The following RNF113B variants were observed in gnomAD, a reference collection of about 807,000 sequenced individuals.
RNF113B encodes zinc finger protein 183-like 1.
RNF113B carries 12 observed loss-of-function variants against 22.2 expected under a neutral mutation model. That is an observed-to-expected ratio of 0.54 (90% confidence interval 0.35 to 0.87). The LOEUF (loss-of-function observed/expected upper bound fraction) is 0.87, where lower values mean the gene tolerates loss of function less well. Among genes scored for constraint, RNF113B ranks in the 40% least tolerant of loss-of-function variants. The probability of loss-of-function intolerance (pLI) is 0.01; values close to 1 mark genes in which losing one functional copy is unlikely to be tolerated. For missense variants in RNF113B, 442 were observed against 455.4 expected (o/e 0.97, Z 0.27); for synonymous variants, 194 against 184.6 (o/e 1.05, Z -0.41).
Position 98,177,077 on chromosome 13 carries a change from C to A in RNF113B, c.160G>T (p.Asp54Tyr). The change falls in exon 1 of 2, where the codon GAC (aspartate) becomes TAC (tyrosine). Residue 54 changes from aspartate to tyrosine, a missense_variant. Physicochemically the swap from Asp to Tyr is radical, Grantham distance 160. Coordinates refer to ENST00000267291, the MANE Select transcript of RNF113B (RefSeq NM_178861.5). ...ACCCGCGGGGGCTGAGCCACTGTGT[C>A]GCCCTCGTCCCCGCTGCTGCTGCTC... is the stretch of plus-strand genomic sequence containing the variant. ...GESSSSGDEG[D>Y]TVAQPPRVAP... 1 of 1,597,306 alleles carries A rather than the reference C, an allele frequency of 6.3e-7. No individual in the cohort carries two copies. The highest frequency in any genetic ancestry group is 8.5e-7 in the Non-Finnish European group (1 of 1,178,876).
chr13:98,176,955 G>C lies in RNF113B; in HGVS notation c.282C>G (p.Tyr94Ter). The C allele has an allele frequency of 1.9e-6, 3 of 1,601,750 alleles. No individual in the cohort carries two copies. Among genetic ancestry groups the C allele is most frequent in the Non-Finnish European group, 2.5e-6 (3 of 1,179,866 alleles). ...EAAPESLDVV[Y>*]RSTRSAKPVG... ...CAGGCTTCGCCGAGCGGGTGGACCTGTACACCACGTCGAGGCTCTCAGGCG... is the reference window on the plus strand; with the variant it reads ...CAGGCTTCGCCGAGCGGGTGGACCTCTACACCACGTCGAGGCTCTCAGGCG... Residue 94 changes from tyrosine to a stop codon, truncating the protein, a stop_gained, in exon 1 of 2, where the codon TAC becomes TAG. Coordinates refer to ENST00000267291, the MANE Select transcript of RNF113B (RefSeq NM_178861.5). LOFTEE classifies it high-confidence loss of function. The surrounding 1 kb of genome is among the most constrained non-coding windows in gnomAD (Gnocchi z 6.2).
At position 98,176,019 on chromosome 13, in the gene RNF113B, T is replaced by C; in HGVS notation, c.*144A>G. 4.0e-6 allele frequency: 3 copies of C among 747,288 alleles called. No homozygotes were observed. Among genetic ancestry groups the C allele is most frequent in the Admixed American group, 2.6e-5 (1 of 38,506 alleles). The allele number at this position is 747,288 out of a possible 1,614,324, so 46.3% of individuals were successfully genotyped here. On this transcript the variant is annotated 3_prime_UTR_variant, in exon 2 of 2. Transcript: ENST00000267291. This position sits in a 1 kb window ranked among gnomAD's most constrained non-coding sequence, Gnocchi z 6.2. The stretch of plus-strand genomic sequence containing the variant: ...TTTGCAAATAATTCTGCAGTGAACA[T>C]GGGAGTGCACATACCTCTTTGAGAT...
Position 98,176,946 on chromosome 13 carries a change from G to T in RNF113B, c.291C>A (p.Thr97=). The change falls in exon 1 of 2, where the codon ACC becomes ACA. Residue 97 remains threonine (T), a synonymous_variant. Coordinates refer to ENST00000267291, the MANE Select transcript of RNF113B (RefSeq NM_178861.5). This position sits in a 1 kb window ranked among gnomAD's most constrained non-coding sequence, Gnocchi z 6.2. ...CTGGCCCCACAGGCTTCGCCGAGCG[G>T]GTGGACCTGTACACCACGTCGAGGC... ...PESLDVVYRS[T]RSAKPVGPED... 1 of 1,602,448 alleles carries T rather than the reference G, an allele frequency of 6.2e-7. No homozygotes were observed.
At position 98,176,284 on chromosome 13, in the gene RNF113B, T is replaced by C; in HGVS notation, c.953A>G (p.Glu318Gly). 1 of 1,612,356 alleles carries C rather than the reference T, an allele frequency of 6.2e-7. No homozygotes were observed. The highest frequency in any genetic ancestry group is 8.5e-7 in the Non-Finnish European group (1 of 1,178,770). The stretch of plus-strand genomic sequence containing the variant: ...TGTGAAATGGGACTTGCCCCCACCT[T>C]CTGCAGCCTGAAGCTTTTGCAGTTT... ...MAKLQKLQAA[E>G]GKKR The change falls in exon 1 of 2, where the codon GAA becomes GGA. Residue 318 changes from glutamate (E) to glycine (G), a missense_variant and splice_region_variant. By Grantham distance (98) the Glu-to-Gly change is moderately conservative (BLOSUM62 -2). Coordinates refer to ENST00000267291, the MANE Select transcript of RNF113B (RefSeq NM_178861.5). This position sits in a 1 kb window ranked among gnomAD's most constrained non-coding sequence, Gnocchi z 6.2.
In RNF113B at chr13:98,176,840, G is replaced by A. The variant is rs780286201; in HGVS notation, c.397C>T (p.Arg133Trp). 6.2e-7 allele frequency: 1 copy of A among 1,611,648 alleles called. No individual in the cohort carries two copies. Among genetic ancestry groups the A allele is most frequent in the Non-Finnish European group, 8.5e-7 (1 of 1,179,962 alleles). ...CGACCCCGCAGTGCCTCCTGGACCC[G>A]CTGGCTGCACTTGAGGATGGTCGGC... Reference protein sequence around the residue: ...HTPTILKCSQRVQEALRGREH... With the variant: ...HTPTILKCSQWVQEALRGREH... The change falls in exon 1 of 2, where the codon CGG becomes TGG. Residue 133 changes from arginine (R) to tryptophan (W), a missense_variant. Coordinates refer to ENST00000267291, the MANE Select transcript of RNF113B (RefSeq NM_178861.5). The surrounding 1 kb of genome is among the most constrained non-coding windows in gnomAD (Gnocchi z 6.2).
Position 98,177,217 on chromosome 13 carries a change from G to A in RNF113B, c.20C>T (p.Pro7Leu), listed in dbSNP as rs778672395. 22 of 1,563,858 alleles carry A rather than the reference G, an allele frequency of 1.4e-5. No individual in the cohort carries two copies. Among genetic ancestry groups the A allele is most frequent in the South Asian group, 1.1e-4 (9 of 85,478 alleles). MAAPPS[P>L]GRTADQADQV... The stretch of plus-strand genomic sequence containing the variant: ...GTCTGCTTGGTCGGCCGTCCTTCCT[G>A]GAGAAGGTGGCGCTGCCATGTTTGA... The change falls in exon 1 of 2, where the codon CCA becomes CTA. Residue 7 changes from proline (P) to leucine (L), a missense_variant. Physicochemically the swap from Pro to Leu is moderately conservative, Grantham distance 98. Coordinates refer to ENST00000267291, the MANE Select transcript of RNF113B (RefSeq NM_178861.5).
In RNF113B at chr13:98,176,327, C is replaced by A; in HGVS notation, c.910G>T (p.Ala304Ser). ...TGCAGTTTCGCCATCAGTTCTTTGG[C>A]GGGGTTAAAGATGCCGCCGGTTGGC... is the stretch of plus-strand genomic sequence containing the variant. ...DQPTGGIFNP[A>S]KELMAKLQKL... The change falls in exon 1 of 2, where the codon GCC becomes TCC. Residue 304 changes from alanine (A) to serine (S), a missense_variant. Coordinates refer to ENST00000267291, the MANE Select transcript of RNF113B (RefSeq NM_178861.5). This position sits in a 1 kb window ranked among gnomAD's most constrained non-coding sequence, Gnocchi z 6.2. 6.2e-7 allele frequency: 1 copy of A among 1,613,508 alleles called. No individual in the cohort carries two copies. Among genetic ancestry groups the A allele is most frequent in the Non-Finnish European group, 8.5e-7 (1 of 1,179,510 alleles).
Position 98,176,742 on chromosome 13 carries a change from GC to G in RNF113B, c.494del (p.Gly165AlafsTer143). On this transcript the variant is annotated frameshift_variant, in exon 1 of 2. Transcript: ENST00000267291. LOFTEE classifies it high-confidence loss of function. This position sits in a 1 kb window ranked among gnomAD's most constrained non-coding sequence, Gnocchi z 6.2. ...RYLKPKDTSM[G>X]NSSSGMARKG... ...TCCTCGCCATCCCCGAGGAGGAGTT[GC>G]CCATGGACGTGTCCTTGGGCTTCAG... 6.2e-7 allele frequency: 1 copy of G among 1,614,048 alleles called. No homozygotes were observed. The highest frequency in any genetic ancestry group is 8.5e-7 in the Non-Finnish European group (1 of 1,179,986).
chr13:98,176,616 G>A lies in RNF113B; in HGVS notation c.621C>T (p.Phe207=), dbSNP rs1426132320. The change falls in exon 1 of 2, where the codon TTC becomes TTT. Residue 207 remains phenylalanine (F), a synonymous_variant. Coordinates refer to ENST00000267291, the MANE Select transcript of RNF113B (RefSeq NM_178861.5). The surrounding 1 kb of genome is among the most constrained non-coding windows in gnomAD (Gnocchi z 6.2). ...KDYKETGFCG[F]GDSCKFLHDR... The stretch of plus-strand genomic sequence containing the variant: ...CGTGGAGGAATTTGCAGCTGTCCCC[G>A]AAGCCACAGAAGCCAGTCTCCTTGT... 5 of 1,614,074 alleles carry A rather than the reference G, an allele frequency of 3.1e-6. No homozygotes were observed. The highest frequency in any genetic ancestry group is 2.7e-5 in the African/African-American group (2 of 74,942).
chr13:98,176,297 G>T lies in RNF113B; in HGVS notation c.940C>A (p.Leu314Ile). The part of the protein sequence containing the change: ...AKELMAKLQK[L>I]QAAEGKKR ...TTGCCCCCACCTTCTGCAGCCTGAA[G>T]CTTTTGCAGTTTCGCCATCAGTTCT... Residue 314 changes from leucine (L) to isoleucine (I), a missense_variant, in exon 1 of 2, where the codon CTT becomes ATT. Leu to Ile is a conservative substitution (Grantham distance 5). Coordinates refer to ENST00000267291, the MANE Select transcript of RNF113B (RefSeq NM_178861.5). The surrounding 1 kb of genome is among the most constrained non-coding windows in gnomAD (Gnocchi z 6.2). The T allele has an allele frequency of 6.2e-7, 1 of 1,612,766 alleles. No individual in the cohort carries two copies. Among genetic ancestry groups the T allele is most frequent in the East Asian group, 2.2e-5 (1 of 44,846 alleles).
chr13:98,176,343 G>T lies in RNF113B; in HGVS notation c.894C>A (p.Gly298=). Reference sequence around the variant, plus strand: ...GTTCTTTGGCGGGGTTAAAGATGCCGCCGGTTGGCTGGTCACAGATGTAGC... The same window carrying T: ...GTTCTTTGGCGGGGTTAAAGATGCCTCCGGTTGGCTGGTCACAGATGTAGC... The part of the protein sequence containing the change: ...PRCYICDQPT[G]GIFNPAKELM... The change falls in exon 1 of 2, where the codon GGC becomes GGA. Residue 298 remains glycine, a synonymous_variant. Coordinates refer to ENST00000267291, the MANE Select transcript of RNF113B (RefSeq NM_178861.5). This position sits in a 1 kb window ranked among gnomAD's most constrained non-coding sequence, Gnocchi z 6.2. The T allele has an allele frequency of 1.2e-6, 2 of 1,613,990 alleles. No homozygotes were observed. Among genetic ancestry groups the T allele is most frequent in the Non-Finnish European group, 1.7e-6 (2 of 1,179,858 alleles).
rs114712839 is a variant in RNF113B at position 98,176,970 on chromosome 13, G to C, written c.267C>G (p.Ser89Arg). 1,009 of 1,600,490 alleles carry C rather than the reference G, an allele frequency of 6.3e-4. 20 individuals are homozygous for C. The East Asian group carries it at 0.022, about 35-fold the overall frequency. The change falls in exon 1 of 2, where the codon AGC becomes AGG. Residue 89 changes from serine (S) to arginine (R), a missense_variant. Ser to Arg is a moderately radical substitution (Grantham distance 110). Coordinates refer to ENST00000267291, the MANE Select transcript of RNF113B (RefSeq NM_178861.5). The surrounding 1 kb of genome is among the most constrained non-coding windows in gnomAD (Gnocchi z 6.2). ...DRRGEEAAPE[S>R]LDVVYRSTRS... ...GGGTGGACCTGTACACCACGTCGAG[G>C]CTCTCAGGCGCCGCCTCCTCGCCCC...
In RNF113B at chr13:98,176,460, A is replaced by G. The variant is rs2139182096; in HGVS notation, c.777T>C (p.Cys259=). Residue 259 remains cysteine, a synonymous_variant, in exon 1 of 2, where the codon TGT becomes TGC. Coordinates refer to ENST00000267291, the MANE Select transcript of RNF113B (RefSeq NM_178861.5). This position sits in a 1 kb window ranked among gnomAD's most constrained non-coding sequence, Gnocchi z 6.2. ...EEEIPFRCFI[C]RQAFQNPVVT... is the part of the protein sequence containing the mutation. ...CGACTGGGTTTTGGAAGGCCTGGCG[A>G]CATATGAAACACCTGAATGGTATTT... The G allele has an allele frequency of 6.2e-7, 1 of 1,614,244 alleles. No homozygotes were observed. The highest frequency in any genetic ancestry group is 8.5e-7 in the Non-Finnish European group (1 of 1,180,040).
chr13:98,177,129 G>T lies in RNF113B; in HGVS notation c.108C>A (p.Arg36=), dbSNP rs1407812476. The T allele has an allele frequency of 6.2e-7, 1 of 1,604,254 alleles. No individual in the cohort carries two copies. The highest frequency in any genetic ancestry group is 8.5e-7 in the Non-Finnish European group (1 of 1,179,760). Residue 36 remains arginine, a synonymous_variant, in exon 1 of 2, where the codon CGC becomes CGA. Transcript: ENST00000267291. ...CTCCGTGCTCGGGGTCGCAGGCCGG[G>T]CGCTTTCTGAGGCCTGCAGCCCCTT... The part of the protein sequence containing the change: ...GRKGAAGLRK[R]PACDPEHGES...
chr13:98,176,064 G>A lies in RNF113B; in HGVS notation c.*99C>T. The A allele has an allele frequency of 9.5e-7, 1 of 1,055,240 alleles. No individual in the cohort carries two copies. The allele number at this position is 1,055,240 out of a possible 1,614,324, so 65.4% of individuals were successfully genotyped here. A position where few individuals can be genotyped will look rare whatever the true frequency, so the allele number is the denominator to read the frequency against. On this transcript the variant is annotated 3_prime_UTR_variant, in exon 2 of 2. Coordinates refer to ENST00000267291, the MANE Select transcript of RNF113B (RefSeq NM_178861.5). The surrounding 1 kb of genome is among the most constrained non-coding windows in gnomAD (Gnocchi z 6.2). ...TGAGATCCGGATTTCAATTCTTTTG[G>A]TTACATACTCAGGCATGGGATTGCA...
rs1461688776 is a variant in RNF113B, at chr13:98,176,388, G to C, written c.849C>G (p.His283Gln). The change falls in exon 1 of 2, where the codon CAC becomes CAG. Residue 283 changes from histidine (H) to glutamine (Q), a missense_variant. Coordinates refer to ENST00000267291, the MANE Select transcript of RNF113B (RefSeq NM_178861.5). The surrounding 1 kb of genome is among the most constrained non-coding windows in gnomAD (Gnocchi z 6.2). ...HYFCESCALE[H>Q]FRATPRCYIC... Reference sequence around the variant, plus strand: ...TGTAGCAGCGCGGGGTGGCCCGGAAGTGCTCCAGCGCGCAGCTCTCGCAGA... The same window carrying C: ...TGTAGCAGCGCGGGGTGGCCCGGAACTGCTCCAGCGCGCAGCTCTCGCAGA... The C allele has an allele frequency of 6.2e-7, 1 of 1,614,248 alleles. No homozygotes were observed. Among genetic ancestry groups the C allele is most frequent in the Non-Finnish European group, 8.5e-7 (1 of 1,180,048 alleles).
In RNF113B at chr13:98,176,433, G is replaced by A. The variant is rs749793696; in HGVS notation, c.804C>T (p.Val268=). 1 of 1,614,244 alleles carries A rather than the reference G, an allele frequency of 6.2e-7. No homozygotes were observed. Among genetic ancestry groups the A allele is most frequent in the Non-Finnish European group, 8.5e-7 (1 of 1,180,044 alleles). ...CGCAGAAATAATGCCTGCACTTGGT[G>A]ACGACTGGGTTTTGGAAGGCCTGGC... ...ICRQAFQNPV[V]TKCRHYFCES... The change falls in exon 1 of 2, where the codon GTC becomes GTT. Residue 268 remains valine (V), a synonymous_variant. Coordinates refer to ENST00000267291, the MANE Select transcript of RNF113B (RefSeq NM_178861.5). This position sits in a 1 kb window ranked among gnomAD's most constrained non-coding sequence, Gnocchi z 6.2.
Position 98,176,099 on chromosome 13 carries a change from T to G in RNF113B, c.*64A>C. 7.3e-7 allele frequency: 1 copy of G among 1,376,886 alleles called. No homozygotes were observed. The highest frequency in any genetic ancestry group is 2.3e-5 in the East Asian group (1 of 43,784). The allele number at this position is 1,376,886 out of a possible 1,614,324, so 85.3% of individuals were successfully genotyped here. A position where few individuals can be genotyped will look rare whatever the true frequency, so the allele number is the denominator to read the frequency against. ...CAGGCATGGGATTGCAGGAAGACTG[T>G]CATCTCTCTCATCTTACTCAACAGG... On this transcript the variant is annotated 3_prime_UTR_variant, in exon 2 of 2. Coordinates refer to ENST00000267291, the MANE Select transcript of RNF113B (RefSeq NM_178861.5). The surrounding 1 kb of genome is among the most constrained non-coding windows in gnomAD (Gnocchi z 6.2).
In RNF113B at chr13:98,176,156, GTCTT is replaced by G. The variant is rs773880195; in HGVS notation, c.*3_*6del. 10 of 1,607,120 alleles carry G rather than the reference GTCTT, an allele frequency of 6.2e-6. No homozygotes were observed. In the East Asian group the frequency reaches 1.1e-4, roughly 18 times the overall value. ...CTCCCCAGTGTACATACAGACTTGA[GTCTT>G]TCTTATCTCTTTTTTCCTAAAAGAA... On this transcript the variant is annotated 3_prime_UTR_variant, in exon 2 of 2. Coordinates refer to ENST00000267291, the MANE Select transcript of RNF113B (RefSeq NM_178861.5). The surrounding 1 kb of genome is among the most constrained non-coding windows in gnomAD (Gnocchi z 6.2).
Sources: allele counts gnomAD v4.1 joint callset, GRCh38; gene constraint gnomAD v4.1.1; non-coding constraint Gnocchi (gnomAD v3.1); transcripts MANE v1.5; gene names NCBI Gene and HGNC (gene_info 2026-07-23, HGNC 2026-07-21).